Variants in DMD observed in about 807,000 individuals in gnomAD.
DMD encodes mutant dystrophin.
In DMD, 63 loss-of-function variants were observed where a neutral mutation model predicts 330.1. That is an observed-to-expected ratio of 0.19 (90% CI 0.16 to 0.24). The LOEUF (loss-of-function observed/expected upper bound fraction) is 0.24. Ranked by LOEUF, DMD falls within the 10% of genes least tolerant of loss-of-function variation. The pLI, the probability that DMD is intolerant of heterozygous loss-of-function variation, is 1.00. For missense variants in DMD, 3,344 were observed against 2,684.1 expected (o/e 1.25, Z -5.43); for synonymous variants, 1,223 against 959.8 (o/e 1.27, Z -5.07).
At chrX:31,945,934 A>C (rs761667763) in intron 45 of DMD, among the ~76,000 whole-genome samples, 1 of 112,094 alleles carries the variant, frequency 8.9e-6, no homozygotes, top group Non-Finnish European at 1.9e-5. Flanking sequence ...ATGTGCCATG[A>C]GTACAAAAGC....
In DMD at chrX:32,252,673, T is replaced by A. The variant is rs867192049; in HGVS notation, c.6290+34856A>T. On this transcript the variant is annotated intron_variant, in intron 43 of 78. Transcript: ENST00000357033. ...AAATACAAATATATAAATATATATA[T>A]ATAAATATATAAATATATATATAAA... Among the ~76,000 whole-genome samples the A allele has an allele frequency of 1.2e-3, 44 of 38,033 alleles. 6 individuals are homozygous for A. In the East Asian group the frequency reaches 0.038, roughly 32 times the overall value. The allele number at this position is 38,033 out of a possible 115,157, so 33.0% of individuals were successfully genotyped here.
chrX:33,225,365 C>T (rs780370906), intron 1 of DMD, among the ~76,000 whole-genome samples: 32 of 111,352 alleles, frequency 2.9e-4, no homozygotes, highest in African/African-American at 9.8e-4. Context: ...GGGATAGACA[C>T]GCAGATTAAT....
At chrX:32,438,861 T>G (rs2148199408) in intron 28 of DMD, among the ~76,000 whole-genome samples, 1 of 111,885 alleles carries the variant, frequency 8.9e-6, no homozygotes, top group Admixed American at 9.5e-5. Flanking sequence ...AGGTCCTTCA[T>G]GCTCAGGAAG....
chrX:32,658,682 C>G (rs1031185186), intron 9 of DMD, among the ~76,000 whole-genome samples: 4 of 110,820 alleles, frequency 3.6e-5, no homozygotes, highest in African/African-American at 1.3e-4. Context: ...GGGTCACTTT[C>G]CCACTCTATT....
rs368316321 is a variant in DMD, at chrX:31,223,144, G to A, written c.9287-23C>T. The A allele has an allele frequency of 8.7e-5, 102 of 1,177,192 alleles. 1 individual carries two copies. In the South Asian group the frequency reaches 1.6e-3, roughly 19 times the overall value. ...CAGCTGAAAAGAGGGAAAACAAAGA[G>A]CATTTGTTATTCCATCAGAAATAAC... is the stretch of plus-strand genomic sequence containing the variant. On this transcript the variant is annotated intron_variant, in intron 63 of 78. Coordinates refer to ENST00000357033, the MANE Select transcript of DMD (RefSeq NM_004006.3).
At chrX:32,574,473 C>G (rs1423891181) in intron 13 of DMD, among the ~76,000 whole-genome samples, 1 of 111,755 alleles carries the variant, frequency 8.9e-6, no homozygotes, top group Non-Finnish European at 1.9e-5. Context: ...TAAGAACACA[C>G]ACTATTTTAA....
intron 1 of DMD, among the ~76,000 whole-genome samples, chrX:33,239,737 A>G (rs2052556062): frequency 8.9e-6 from 1 of 111,845 alleles, no homozygotes; most frequent in Non-Finnish European, 1.9e-5. Context: ...ATTCCCTCAC[A>G]TGTTATCATT....
chrX:32,623,852 T>G (rs1266886825), intron 11 of DMD, among the ~76,000 whole-genome samples: 2 of 111,730 alleles, frequency 1.8e-5, no homozygotes, highest in African/African-American at 6.5e-5. Context: ...CTGAGGATAG[T>G]GGTAGGTTAA....
intron 1 of DMD, among the ~76,000 whole-genome samples, chrX:33,218,831 A>G (rs983061952): frequency 2.7e-5 from 3 of 110,831 alleles, no homozygotes; most frequent in African/African-American, 9.9e-5. Context: ...TGTAATTTCT[A>G]TTGTCCTATC....
At chrX:32,810,040 T>A (rs2077256402) in intron 6 of DMD, among the ~76,000 whole-genome samples, 1 of 109,095 alleles carries the variant, frequency 9.2e-6, no homozygotes, top group African/African-American at 3.3e-5. Flanking sequence ...GAGGATCACC[T>A]GAGCCCAGGG....
chrX:32,620,365 C>T (rs942309097), intron 11 of DMD, among the ~76,000 whole-genome samples: 3 of 111,428 alleles, frequency 2.7e-5, no homozygotes, highest in African/African-American at 6.5e-5. Context: ...ATAGCTGGTC[C>T]GAAGTATTGG....
intron 1 of DMD, among the ~76,000 whole-genome samples, chrX:33,076,276 A>G (rs1384604806): frequency 9.0e-6 from 1 of 111,433 alleles, no homozygotes; most frequent in Non-Finnish European, 1.9e-5. Flanking sequence ...GCTCAGGGAG[A>G]CTGATTTGAG....
At chrX:32,968,848 T>G (rs1451483256) in intron 2 of DMD, among the ~76,000 whole-genome samples, 5 of 105,663 alleles carry the variant, frequency 4.7e-5, no homozygotes, top group African/African-American at 1.7e-4. Context: ...GCCAAAATGG[T>G]GAAACCCCAC....
intron 67 of DMD, among the ~76,000 whole-genome samples, chrX:31,193,264 T>G (rs1296907629): frequency 8.9e-6 from 1 of 112,882 alleles, no homozygotes; most frequent in Admixed American, 9.4e-5. Context: ...ATGTATTTAT[T>G]AGACATCTGT....
intron 60 of DMD, among the ~76,000 whole-genome samples, chrX:31,391,102 AGT>A (rs2060661273): frequency 8.9e-6 from 1 of 112,067 alleles, no homozygotes; most frequent in East Asian, 2.8e-4. Context: ...ATTCTTCCAA[AGT>A]AGCCTATTCT....
chrX:31,753,929 C>T (rs2088826981), intron 51 of DMD, among the ~76,000 whole-genome samples: 1 of 111,310 alleles, frequency 9.0e-6, no homozygotes, highest in Non-Finnish European at 1.9e-5. Flanking sequence ...TGATCCTCTT[C>T]CCCTTCTCAA....
intron 43 of DMD, among the ~76,000 whole-genome samples, chrX:32,235,041 G>A (rs1194991530): frequency 6.3e-5 from 7 of 111,531 alleles, no homozygotes; most frequent in Non-Finnish European, 1.3e-4. Flanking sequence ...CCGTGGACCG[G>A]GTTGGAGGAT....
intron 30 of DMD, among the ~76,000 whole-genome samples, chrX:32,394,916 C>CAAAACAAAAAAAAAA (rs2098030291): frequency 9.7e-4 from 38 of 39,037 alleles, no homozygotes; most frequent in East Asian, 4.9e-3. Flanking sequence ...AACAAAAAAA[C>CAAAACAAAAAAAAAA]AAAAAAAAAA....
chrX:33,056,811 A>G (rs772466057), intron 1 of DMD, among the ~76,000 whole-genome samples: 12 of 111,665 alleles, frequency 1.1e-4, no homozygotes, highest in Non-Finnish European at 2.3e-4. Context: ...TCCCTTTTAC[A>G]GTATCCTGTA....
Sources: allele counts gnomAD v4.1 joint callset (sites outside exome capture counted in the v4.1 genomes callset), GRCh38; gene constraint gnomAD v4.1.1; transcripts MANE v1.5; gene names NCBI Gene and HGNC (gene_info 2026-07-23, HGNC 2026-07-21).